Variants in GREB1L observed in about 807,000 individuals in gnomAD.
GREB1L encodes GREB1-like protein.
Under a neutral mutation model 200.8 loss-of-function variants are expected in GREB1L, and 17 were observed. That is an observed-to-expected ratio of 0.08 (90% CI 0.06 to 0.13). The LOEUF (loss-of-function observed/expected upper bound fraction) is 0.13. Ranked by LOEUF, GREB1L falls within the 10% of genes least tolerant of loss-of-function variation. The pLI, the probability that GREB1L is intolerant of heterozygous loss-of-function variation, is 1.00. For synonymous variants in GREB1L, 789 were observed against 893.0 expected (o/e 0.88, Z 2.08); for missense variants, 1,657 against 2,367.7 (o/e 0.70, Z 6.23).
At chr18:21,297,594 T>C (rs2038550991) in intron 1 of GREB1L, among the ~76,000 whole-genome samples, 1 of 152,016 alleles carries the variant, frequency 6.6e-6, no homozygotes, top group African/African-American at 2.4e-5. Flanking sequence ...GGGAGGCATG[T>C]TAGGAGAAAG....
At chr18:21,405,988 T>C (rs1280934715) in intron 7 of GREB1L, among the ~76,000 whole-genome samples, 2 of 146,858 alleles carry the variant, frequency 1.4e-5, no homozygotes, top group Non-Finnish European at 3.0e-5. Context: ...AAAAATTAGC[T>C]GGGTGCTGTT....
chr18:21,441,070 T>C (rs1014904276), intron 9 of GREB1L, among the ~76,000 whole-genome samples: 19 of 152,186 alleles, frequency 1.2e-4, no homozygotes, highest in African/African-American at 4.6e-4. Context: ...TCAAAATGTA[T>C]GTAATGAACA....
rs563988638 is a variant in GREB1L, at chr18:21,270,635, G to A, written c.-120+28242G>A. On this transcript the variant is annotated intron_variant, in intron 1 of 32. Coordinates refer to ENST00000424526, the MANE Select transcript of GREB1L (RefSeq NM_001142966.3). ...ATCTTTTACTTAAAACAACTAAGCTGTGATGTTGTTTTAACCCTGCCTAAA... is the reference window on the plus strand; with the variant it reads ...ATCTTTTACTTAAAACAACTAAGCTATGATGTTGTTTTAACCCTGCCTAAA... 4.6e-5 allele frequency among the ~76,000 whole-genome samples: 7 copies of A among 152,264 alleles called. No individual in the cohort carries two copies. The East Asian group carries it at 1.3e-3, about 29-fold the overall frequency.
chr18:21,267,955 TGAG>T (rs1205818918), intron 1 of GREB1L, among the ~76,000 whole-genome samples: 3 of 151,998 alleles, frequency 2.0e-5, no homozygotes, highest in African/African-American at 4.8e-5. Flanking sequence ...AATGGTGAAG[TGAG>T]GAGATTTCCA....
At chr18:21,284,970 A>G (rs189160805) in intron 1 of GREB1L, among the ~76,000 whole-genome samples, 153 of 152,164 alleles carry the variant, frequency 1.0e-3, no homozygotes, top group East Asian at 5.8e-3. Flanking sequence ...GGCCATTTAT[A>G]TGTCTTTTTT....
At chr18:21,289,789 T>C (rs2038418226) in intron 1 of GREB1L, among the ~76,000 whole-genome samples, 1 of 152,164 alleles carries the variant, frequency 6.6e-6, no homozygotes, top group African/African-American at 2.4e-5. Flanking sequence ...GAATTGTATA[T>C]TTGTCCATGG....
intron 5 of GREB1L, among the ~76,000 whole-genome samples, chr18:21,400,489 T>C (rs2041271671): frequency 6.6e-6 from 1 of 152,222 alleles, no homozygotes; most frequent in African/African-American, 2.4e-5. Flanking sequence ...ACATCTGGCC[T>C]GTGCTCTGCT....
Position 21,508,106 on chromosome 18 carries a change from T to C in GREB1L, c.4369-12T>C. 2 of 1,551,104 alleles carry C rather than the reference T, an allele frequency of 1.3e-6. No homozygotes were observed. Among genetic ancestry groups the C allele is most frequent in the Middle Eastern group, 3.3e-4 (2 of 5,992 alleles). ...TACTTACGTTCCCTCCCTTTCTTCT[T>C]TGCAAATGTAGATGTCTGACTCCAC... On this transcript the variant is annotated splice_polypyrimidine_tract_variant and intron_variant, in intron 25 of 32. Coordinates refer to ENST00000424526, the MANE Select transcript of GREB1L (RefSeq NM_001142966.3).
chr18:21,425,633 G>C (rs2032505322), intron 7 of GREB1L, among the ~76,000 whole-genome samples: 1 of 152,166 alleles, frequency 6.6e-6, no homozygotes, highest in Non-Finnish European at 1.5e-5. Context: ...CATTTCTCCA[G>C]TGGTTAATGA....
chr18:21,448,289 C>T (rs1439551451), intron 11 of GREB1L, among the ~76,000 whole-genome samples: 1 of 152,168 alleles, frequency 6.6e-6, no homozygotes, highest in Non-Finnish European at 1.5e-5. Flanking sequence ...TCTCCTACCT[C>T]TCCCTGGCCT....
At chr18:21,282,632 C>A (rs897197773) in intron 1 of GREB1L, among the ~76,000 whole-genome samples, 4 of 151,458 alleles carry the variant, frequency 2.6e-5, no homozygotes, top group African/African-American at 9.7e-5. Flanking sequence ...CGGAGTCTTG[C>A]TCTGTCACCC....
chr18:21,421,413 C>A (rs1302945332), intron 7 of GREB1L, among the ~76,000 whole-genome samples: 3 of 152,084 alleles, frequency 2.0e-5, no homozygotes, highest in Non-Finnish European at 4.4e-5. Context: ...TAAAACATGG[C>A]TGACATAACT....
At chr18:21,429,322 T>C (rs1204664675) in intron 7 of GREB1L, among the ~76,000 whole-genome samples, 24 of 135,256 alleles carry the variant, frequency 1.8e-4, no homozygotes, top group African/African-American at 6.1e-4. Flanking sequence ...CCTCTCCTCT[T>C]CCTTTCCTTT....
intron 1 of GREB1L, among the ~76,000 whole-genome samples, chr18:21,292,478 C>A (rs1202802957): frequency 1.3e-5 from 2 of 152,192 alleles, no homozygotes; most frequent in East Asian, 3.8e-4. Flanking sequence ...ATTTTCATCA[C>A]CCCCAAAAGA....
chr18:21,348,046 G>A (rs182935630), intron 1 of GREB1L, among the ~76,000 whole-genome samples: 3,090 of 141,062 alleles, frequency 0.022, 40 homozygotes, highest in Middle Eastern at 0.047. Flanking sequence ...CCGGGTTCAC[G>A]CCATTCTCCT....
chr18:21,293,234 C>T (rs2038477758), intron 1 of GREB1L, among the ~76,000 whole-genome samples: 1 of 152,178 alleles, frequency 6.6e-6, no homozygotes, highest in Non-Finnish European at 1.5e-5. Flanking sequence ...AACTGATTTG[C>T]ACCCTCTCAC....
At chr18:21,480,641 G>GA (rs1407885358) in intron 17 of GREB1L, among the ~76,000 whole-genome samples, 1 of 152,152 alleles carries the variant, frequency 6.6e-6, no homozygotes, top group Non-Finnish European at 1.5e-5. Flanking sequence ...GGAGTAATTG[G>GA]AAAAAAGCAA....
chr18:21,259,487 C>CCAG lies in GREB1L; in HGVS notation c.-120+17094_-120+17095insCAG, dbSNP rs550396666. 4.6e-5 allele frequency among the ~76,000 whole-genome samples: 7 copies of CCAG among 152,180 alleles called. No homozygotes were observed. In the South Asian group the frequency reaches 1.2e-3, roughly 27 times the overall value. The stretch of plus-strand genomic sequence containing the variant: ...CTGTCCCTGCCCTTGGGGAAACTGA[C>CCAG]AGTCTAGTTAAAACACAGTAATGTG... On this transcript the variant is annotated intron_variant, in intron 1 of 32. Coordinates refer to ENST00000424526, the MANE Select transcript of GREB1L (RefSeq NM_001142966.3).
chr18:21,388,483 T>A (rs1390835571), intron 4 of GREB1L, among the ~76,000 whole-genome samples: 1 of 151,320 alleles, frequency 6.6e-6, no homozygotes, highest in Non-Finnish European at 1.5e-5. Flanking sequence ...TGTTCCAGTA[T>A]CCCATCCAGG....
Sources: allele counts gnomAD v4.1 joint callset (sites outside exome capture counted in the v4.1 genomes callset), GRCh38; gene constraint gnomAD v4.1.1; transcripts MANE v1.5; gene names NCBI Gene and HGNC (gene_info 2026-07-23, HGNC 2026-07-21).